CAST: variants seen among roughly 807,000 people sequenced by gnomAD.
The protein encoded by CAST is calpastatin.
In CAST, 76 loss-of-function variants were observed where a neutral mutation model predicts 119.6. The ratio of observed to expected loss-of-function variants is 0.64; its 90% CI spans 0.53 to 0.77. The LOEUF (loss-of-function observed/expected upper bound fraction) is 0.77. CAST is among the 30% of genes least tolerant of loss of function. The pLI is 0.00. For synonymous variants in CAST, 319 were observed against 331.6 expected, an observed-to-expected ratio of 0.96 and a Z score of 0.41; for missense variants, 953 against 946.5, an observed-to-expected ratio of 1.01 and a Z score of -0.09.
chr5:96,180,574 GAAAT>G, the CAST span, among the ~76,000 whole-genome samples: 2 of 151,836 alleles, frequency 1.3e-5, no homozygotes, highest in African/African-American at 4.8e-5. Flanking sequence ...AATGGACAAA[GAAAT>G]AAAATGTTAA....
chr5:96,767,368 T>A, intron 27 of CAST, 70 bp from the exon 28 acceptor site: 1 of 1,268,250 alleles, frequency 7.9e-7, no homozygotes, highest in Non-Finnish European at 1.1e-6. Flanking sequence ...CAATAGATTC[T>A]CTACTGCCTA....
At chr5:96,679,530 A>G (rs919205478) in intron 2 of CAST, 2 of 152,216 alleles carry the variant, frequency 1.3e-5, no homozygotes, top group East Asian at 1.9e-4. Context: ...TTTTAGCAAC[A>G]TATTTCAGTA....
the CAST span, among the ~76,000 whole-genome samples, chr5:96,219,871 T>C: frequency 6.6e-6 from 1 of 152,180 alleles, no homozygotes; most frequent in Non-Finnish European, 1.5e-5. Context: ...CTTAAATTCC[T>C]TCTCATTGTC....
rs566528162 is a variant in CAST, at chr5:96,544,100, G to C, written c.60+14220G>C. On this transcript the variant is annotated intron_variant, in intron 1 of 11. Transcript: ENST00000505143. ...ATTAGTGTGTCAATAACTAAAAACA[G>C]CTTGCTGAGATTTTATTGTGATTGC... 8.0e-4 allele frequency among the ~76,000 whole-genome samples: 122 copies of C among 152,288 alleles called. 1 individual carries two copies. The South Asian group carries it at 0.015, about 18-fold the overall frequency.
At chr5:96,368,366 G>T in the CAST span, among the ~76,000 whole-genome samples, 1 of 151,830 alleles carries the variant, frequency 6.6e-6, no homozygotes, top group African/African-American at 2.4e-5. Flanking sequence ...CGGGCATGGT[G>T]ACACATGCCT....
chr5:96,013,876 T>C, the CAST span, among the ~76,000 whole-genome samples: 4 of 152,136 alleles, frequency 2.6e-5, no homozygotes, highest in Non-Finnish European at 5.9e-5. Context: ...AGTCAATAAG[T>C]GAATAGTGAG....
chr5:96,010,913 G>A, the CAST span, among the ~76,000 whole-genome samples: 2 of 152,046 alleles, frequency 1.3e-5, no homozygotes, highest in Non-Finnish European at 2.9e-5. Flanking sequence ...GGTCATTATT[G>A]GTATATAGAA....
chr5:96,334,606 T>C, the CAST span, among the ~76,000 whole-genome samples: 1 of 152,204 alleles, frequency 6.6e-6, no homozygotes, highest in Non-Finnish European at 1.5e-5. Flanking sequence ...CTCACTTCCT[T>C]CAACTACAAT....
the CAST span, among the ~76,000 whole-genome samples, chr5:96,478,807 G>C: frequency 3.3e-5 from 5 of 152,144 alleles, no homozygotes; most frequent in Non-Finnish European, 4.4e-5. Flanking sequence ...ACCATAAAAT[G>C]GGCACTGACA....
At chr5:96,736,116 A>G (rs1231735052) in intron 9 of CAST, 56 bp from the exon 10 acceptor site, 7 of 1,017,344 alleles carry the variant, frequency 6.9e-6, no homozygotes, top group Non-Finnish European at 1.1e-5. Flanking sequence ...AATTTGTAAT[A>G]GTATTGAGTT....
At chr5:96,233,970 G>A in the CAST span, among the ~76,000 whole-genome samples, 47 of 152,162 alleles carry the variant, frequency 3.1e-4, no homozygotes, top group African/African-American at 9.9e-4. Flanking sequence ...ATTTTTTAAA[G>A]TGAGAGTTTT....
chr5:96,148,388 T>C, the CAST span, among the ~76,000 whole-genome samples: 2 of 152,224 alleles, frequency 1.3e-5, no homozygotes, highest in Non-Finnish European at 2.9e-5. Flanking sequence ...AGCGTCTGAA[T>C]TATGTGTTTT....
chr5:96,587,488 C>T (rs987013016), intron 1 of CAST, among the ~76,000 whole-genome samples: 1 of 152,098 alleles, frequency 6.6e-6, no homozygotes, highest in Non-Finnish European at 1.5e-5. Flanking sequence ...GTTAAGTAGG[C>T]AAATATTTTG....
At position 96,619,095 on chromosome 5, in the gene CAST, G is replaced by A. The variant is rs1293059459; in HGVS notation, c.61-56444G>A. 9.9e-5 allele frequency among the ~76,000 whole-genome samples: 15 copies of A among 152,188 alleles called. 1 individual carries two copies. The highest frequency in any genetic ancestry group is 9.8e-4 in the Admixed American group (15 of 15,282). ...GTGCTCTGTGTCTAGCTAATCTAGTGTGGACTTGGAGAACTTTTATGTCTA... is the reference window on the plus strand; with the variant it reads ...GTGCTCTGTGTCTAGCTAATCTAGTATGGACTTGGAGAACTTTTATGTCTA... On this transcript the variant is annotated intron_variant, in intron 1 of 11. Transcript: ENST00000505143.
rs113125742 is a variant in CAST, at chr5:96,727,508, A to G, written c.356A>G (p.Glu119Gly). The change falls in exon 6 of 32, where the codon GAG becomes GGG. Residue 119 changes from glutamate (E) to glycine (G), a missense_variant. Coordinates refer to ENST00000675179, the MANE Select transcript of CAST (RefSeq NM_001750.7). ...HKKQAVKTEP[E>G]KKSQSTKLSV... ...ACTTAGGCTGTAAAAACAGAACCTGAGAAGAAGTCACAGTCAACCAAGGTA... is the reference window on the plus strand; with the variant it reads ...ACTTAGGCTGTAAAAACAGAACCTGGGAAGAAGTCACAGTCAACCAAGGTA... 16 of 1,561,570 alleles carry G rather than the reference A, an allele frequency of 1.0e-5. No homozygotes were observed. In the African/African-American group the frequency reaches 1.6e-4, roughly 16 times the overall value.
At chr5:96,021,546 T>C in the CAST span, among the ~76,000 whole-genome samples, 627 of 152,044 alleles carry the variant, frequency 4.1e-3, 3 homozygotes, top group Non-Finnish European at 2.6e-3. Context: ...CCTGGGTTCA[T>C]GCCATTCTCC....
chr5:96,136,146 TC>T, the CAST span, among the ~76,000 whole-genome samples: 1 of 152,218 alleles, frequency 6.6e-6, no homozygotes, highest in Non-Finnish European at 1.5e-5. Flanking sequence ...TGTTCTCTTC[TC>T]CCCTATTTAT....
the CAST span, among the ~76,000 whole-genome samples, chr5:96,094,064 A>G: frequency 2.0e-5 from 3 of 152,226 alleles, no homozygotes; most frequent in African/African-American, 7.2e-5. Context: ...TAAGGAAGTT[A>G]GTTGGTTACT....
chr5:95,996,738 C>T, the CAST span, among the ~76,000 whole-genome samples: 1 of 152,146 alleles, frequency 6.6e-6, no homozygotes, highest in African/African-American at 2.4e-5. Context: ...CACAGAGATT[C>T]TGATTCATTT....
Sources: gnomAD v4.1 joint callset for allele counts (sites outside exome capture counted in the v4.1 genomes callset) on GRCh38, gnomAD v4.1.1 for gene constraint, MANE v1.5 for transcripts, NCBI Gene and HGNC (gene_info 2026-07-23, HGNC 2026-07-21) for gene names.